The following FILIP1L variants were observed in gnomAD, a reference collection of about 807,000 sequenced individuals.
FILIP1L encodes the protein filamin A interacting protein 1 like.
Under a neutral mutation model 96.6 loss-of-function variants are expected in FILIP1L, and 55 were observed. That is an observed-to-expected ratio of 0.57 (90% CI 0.46 to 0.71). The LOEUF (loss-of-function observed/expected upper bound fraction) is 0.71. Ranked by LOEUF, FILIP1L falls within the 30% of genes least tolerant of loss-of-function variation. The pLI, the probability that FILIP1L is intolerant of heterozygous loss-of-function variation, is 0.00. For missense variants in FILIP1L, 1,304 were observed against 1,321.2 expected, an observed-to-expected ratio of 0.99 and a Z score of 0.20; for synonymous variants, 467 against 473.9, an observed-to-expected ratio of 0.99 and a Z score of 0.19.
chr3:99,945,333 CT>C (rs1302316446), intron 1 of FILIP1L, among the ~76,000 whole-genome samples: 6 of 152,160 alleles, frequency 3.9e-5, no homozygotes, highest in African/African-American at 1.4e-4. Context: ...GCTTCCCAGC[CT>C]TGTTGCGTAG....
intron 1 of FILIP1L, among the ~76,000 whole-genome samples, chr3:99,946,866 CA>C (rs776776640): frequency 1.8e-4 from 28 of 152,124 alleles, no homozygotes; most frequent in Non-Finnish European, 3.7e-4. Context: ...CTGTCTCCAT[CA>C]AGGATACAGT....
chr3:99,831,134 T>A (rs1942656494), intron 5 of FILIP1L, among the ~76,000 whole-genome samples: 1 of 152,210 alleles, frequency 6.6e-6, no homozygotes, highest in Non-Finnish European at 1.5e-5. Context: ...GGATATTTGA[T>A]TTTAGCATTG....
chr3:100,093,202 A>C (rs557851447), intron 1 of FILIP1L, among the ~76,000 whole-genome samples: 54 of 152,292 alleles, frequency 3.5e-4, no homozygotes, highest in Middle Eastern at 6.8e-3. Flanking sequence ...CTAACATATT[A>C]CCAGATATAC....
intron 1 of FILIP1L, among the ~76,000 whole-genome samples, chr3:100,014,420 T>C (rs1401199355): frequency 6.6e-6 from 1 of 152,060 alleles, no homozygotes; most frequent in Non-Finnish European, 1.5e-5. Flanking sequence ...ACCTGCAGAC[T>C]TATTTTCTGT....
chr3:100,095,978 T>G (rs1172509996), intron 1 of FILIP1L, among the ~76,000 whole-genome samples: 1 of 152,104 alleles, frequency 6.6e-6, no homozygotes, highest in Non-Finnish European at 1.5e-5. Context: ...AATAGACATT[T>G]CTCAAACGAA....
chr3:99,971,133 C>G (rs994848743), intron 1 of FILIP1L, among the ~76,000 whole-genome samples: 9 of 152,030 alleles, frequency 5.9e-5, no homozygotes, highest in African/African-American at 7.2e-5. Flanking sequence ...GTCAGGAGAT[C>G]GAGACCATCC....
At chr3:99,911,100 C>T (rs1050004853) in intron 4 of FILIP1L, among the ~76,000 whole-genome samples, 4 of 151,928 alleles carry the variant, frequency 2.6e-5, no homozygotes, top group African/African-American at 9.7e-5. Context: ...GATTAGGTAG[C>T]GCATTACACA....
At chr3:100,050,665 G>A (rs1229275298) in intron 1 of FILIP1L, among the ~76,000 whole-genome samples, 1 of 152,032 alleles carries the variant, frequency 6.6e-6, no homozygotes, top group Non-Finnish European at 1.5e-5. Context: ...CAAGTAGCTG[G>A]GATTACAGGT....
At chr3:99,941,807 A>G (rs1277752768) in intron 1 of FILIP1L, among the ~76,000 whole-genome samples, 2 of 152,234 alleles carry the variant, frequency 1.3e-5, no homozygotes, top group African/African-American at 2.4e-5. Context: ...TTTATCTATT[A>G]TATTGTTTTC....
intron 4 of FILIP1L, 121 bp from the exon 5 acceptor site, chr3:99,851,191 A>T (rs964963290): frequency 7.8e-6 from 6 of 768,500 alleles, no homozygotes; most frequent in Non-Finnish European, 1.2e-5. Flanking sequence ...GTTCATATAC[A>T]ATATGCAAAA....
chr3:99,977,989 T>C (rs1034326154), intron 1 of FILIP1L, among the ~76,000 whole-genome samples: 1 of 152,204 alleles, frequency 6.6e-6, no homozygotes, highest in Non-Finnish European at 1.5e-5. Flanking sequence ...GATGGTCCTC[T>C]TTAAGATTAA....
chr3:100,090,904 A>G (rs2066092078), intron 1 of FILIP1L, among the ~76,000 whole-genome samples: 1 of 152,210 alleles, frequency 6.6e-6, no homozygotes, highest in Non-Finnish European at 1.5e-5. Context: ...AGAAAACTTG[A>G]AATGAGTGCA....
intron 4 of FILIP1L, among the ~76,000 whole-genome samples, chr3:99,921,940 T>C (rs149031076): frequency 3.3e-5 from 5 of 152,324 alleles, no homozygotes; most frequent in African/African-American, 1.2e-4. Context: ...ATCTTTGCCA[T>C]CTGCCTCCCA....
intron 1 of FILIP1L, among the ~76,000 whole-genome samples, chr3:99,983,257 G>A (rs1187925607): frequency 6.6e-6 from 1 of 150,898 alleles, no homozygotes; most frequent in Non-Finnish European, 1.5e-5. Context: ...GTACCAGCCG[G>A]GCACAGTGAC....
At chr3:99,957,693 C>CTTTCTTTTTTTTTTTTTTTTTTT in intron 1 of FILIP1L, among the ~76,000 whole-genome samples, 2 of 19,894 alleles carry the variant, frequency 1.0e-4, no homozygotes, top group Non-Finnish European at 2.2e-4. Flanking sequence ...TTCTTTCTTT[C>CTTTCTTTTTTTTTTTTTTTTTTT]TTTTTTTTTT....
intron 1 of FILIP1L, among the ~76,000 whole-genome samples, chr3:100,043,380 G>A (rs754536032): frequency 2.0e-5 from 3 of 152,018 alleles, no homozygotes; most frequent in Non-Finnish European, 4.4e-5. Flanking sequence ...TGTTTCCTTC[G>A]TTCTTGAATC....
At chr3:100,001,826 G>A (rs1486885906) in intron 1 of FILIP1L, among the ~76,000 whole-genome samples, 2 of 152,208 alleles carry the variant, frequency 1.3e-5, no homozygotes, top group African/African-American at 2.4e-5. Context: ...AAAGGGATGG[G>A]TGTCTTGTTG....
intron 1 of FILIP1L, among the ~76,000 whole-genome samples, chr3:99,962,967 A>G (rs1471457669): frequency 1.3e-5 from 2 of 152,214 alleles, no homozygotes; most frequent in East Asian, 3.8e-4. Context: ...CATGTTACTC[A>G]CAGGCATTGC....
intron 1 of FILIP1L, among the ~76,000 whole-genome samples, chr3:100,022,556 C>G (rs1275355946): frequency 6.6e-6 from 1 of 152,172 alleles, no homozygotes; most frequent in Non-Finnish European, 1.5e-5. Context: ...GTTTCAGACA[C>G]CCTTGGTTTA....
Sources: gnomAD v4.1 joint callset for allele counts (sites outside exome capture counted in the v4.1 genomes callset) on GRCh38, gnomAD v4.1.1 for gene constraint, MANE v1.5 for transcripts, NCBI Gene and HGNC (gene_info 2026-07-23, HGNC 2026-07-21) for gene names.